The following STPG2 variants were observed in gnomAD, a reference collection of about 807,000 sequenced individuals.
STPG2 encodes sperm-tail PG-rich repeat-containing protein 2.
A neutral mutation model predicts 54.2 loss-of-function variants in STPG2; 56 were observed. That is an observed-to-expected ratio of 1.03 (90% CI 0.83 to 1.29). The LOEUF (loss-of-function observed/expected upper bound fraction) is 1.29. STPG2 is among the 50% of genes most tolerant of loss of function. The pLI, the probability that STPG2 is intolerant of heterozygous loss-of-function variation, is 0.00. For synonymous variants in STPG2, 200 were observed against 181.8 expected (o/e 1.10, Z -0.81); for missense variants, 596 against 544.9 (o/e 1.09, Z -0.93).
At chr4:97,757,079 A>T (rs1725753020) in intron 9 of STPG2, among the ~76,000 whole-genome samples, 1 of 152,104 alleles carries the variant, frequency 6.6e-6, no homozygotes, top group South Asian at 2.1e-4. Flanking sequence ...AGCAGTAAAA[A>T]CACCAGATGA....
At chr4:97,533,691 T>C (rs947371811) in intron 4 of STPG2, among the ~76,000 whole-genome samples, 1 of 152,130 alleles carries the variant, frequency 6.6e-6, no homozygotes, top group Non-Finnish European at 1.5e-5. Flanking sequence ...TTTGAGATTT[T>C]TCCATATTAT....
At chr4:97,711,697 T>C (rs895283649) in intron 10 of STPG2, among the ~76,000 whole-genome samples, 2 of 145,338 alleles carry the variant, frequency 1.4e-5, no homozygotes, top group South Asian at 2.2e-4. Context: ...TGAGAAGGAG[T>C]CTCGCTCTGT....
At chr4:98,114,929 T>C (rs1739472996) in intron 3 of STPG2, among the ~76,000 whole-genome samples, 2 of 143,686 alleles carry the variant, frequency 1.4e-5, no homozygotes, top group South Asian at 2.3e-4. Context: ...AAAGGATAAA[T>C]TGATGCACTC....
At chr4:98,088,672 GAA>G (rs61146705) in intron 5 of STPG2, among the ~76,000 whole-genome samples, 8,613 of 125,346 alleles carry the variant, frequency 0.069, 337 homozygotes, top group Admixed American at 0.14. Context: ...TCCTTTAGGG[GAA>G]AAAAAAAAAA....
At chr4:97,448,843 C>G (rs981506233) in intron 4 of STPG2, among the ~76,000 whole-genome samples, 1 of 152,044 alleles carries the variant, frequency 6.6e-6, no homozygotes, top group Non-Finnish European at 1.5e-5. Flanking sequence ...GGCAGAGTTA[C>G]ATTAAATGTT....
At chr4:97,688,437 G>C (rs1723264999) in intron 10 of STPG2, among the ~76,000 whole-genome samples, 1 of 152,100 alleles carries the variant, frequency 6.6e-6, no homozygotes, top group Non-Finnish European at 1.5e-5. Context: ...CGCAATCTCG[G>C]CTCACTGGAC....
At chr4:97,840,489 A>G (rs1193300647) in intron 9 of STPG2, among the ~76,000 whole-genome samples, 1 of 151,630 alleles carries the variant, frequency 6.6e-6, no homozygotes, top group Non-Finnish European at 1.5e-5. Context: ...GTCAGGGTAA[A>G]TGCAAATGTT....
At chr4:98,044,404 T>G (rs922051659) in intron 5 of STPG2, among the ~76,000 whole-genome samples, 1 of 152,210 alleles carries the variant, frequency 6.6e-6, no homozygotes, top group Non-Finnish European at 1.5e-5. Flanking sequence ...CACTGGGTTC[T>G]TTGCCCTCCC....
At chr4:97,609,177 AT>A (rs1327746891) in intron 10 of STPG2, among the ~76,000 whole-genome samples, 1 of 152,064 alleles carries the variant, frequency 6.6e-6, no homozygotes, top group Non-Finnish European at 1.5e-5. Flanking sequence ...GCAAGGGAAT[AT>A]TGTTGCTGAT....
At chr4:98,040,560 T>G (rs1084784) in intron 5 of STPG2, among the ~76,000 whole-genome samples, 66,413 of 151,624 alleles carry the variant, frequency 0.44, 15,101 homozygotes, top group Admixed American at 0.56. Flanking sequence ...CCCGGCACCA[T>G]TTATTGACTA....
intron 4 of STPG2, among the ~76,000 whole-genome samples, chr4:97,549,898 A>T (rs1281578087): frequency 6.6e-6 from 1 of 152,194 alleles, no homozygotes; most frequent in Non-Finnish European, 1.5e-5. Flanking sequence ...GAAGCTATCA[A>T]GTTTCAGGTA....
intron 4 of STPG2, among the ~76,000 whole-genome samples, chr4:97,446,618 T>C (rs1014278107): frequency 1.3e-5 from 2 of 152,304 alleles, no homozygotes; most frequent in South Asian, 2.1e-4. Context: ...GATTGGATGA[T>C]GGGTACGGTT....
chr4:97,481,586 AT>A (rs973858630), intron 4 of STPG2, among the ~76,000 whole-genome samples: 2 of 151,460 alleles, frequency 1.3e-5, no homozygotes, highest in Non-Finnish European at 3.0e-5. Context: ...TGTATCCCTA[AT>A]TTTTTTATAC....
intron 7 of STPG2, among the ~76,000 whole-genome samples, chr4:97,946,642 A>G (rs967203820): frequency 2.6e-5 from 4 of 152,180 alleles, no homozygotes; most frequent in African/African-American, 9.6e-5. Flanking sequence ...CCATTTATTG[A>G]ATAGGGTGTC....
intron 9 of STPG2, among the ~76,000 whole-genome samples, chr4:97,722,110 A>C (rs573662329): frequency 1.2e-4 from 18 of 151,686 alleles, no homozygotes; most frequent in South Asian, 4.1e-4. Context: ...AAAAAAAAAG[A>C]AGCATATTTG....
intron 10 of STPG2, among the ~76,000 whole-genome samples, chr4:97,580,507 T>C (rs1465791959): frequency 6.6e-6 from 1 of 151,842 alleles, no homozygotes; most frequent in African/African-American, 2.4e-5. Flanking sequence ...GAAGCCATGG[T>C]AAACATTTCA....
intron 10 of STPG2, among the ~76,000 whole-genome samples, chr4:97,681,999 C>T (rs1026877789): frequency 3.3e-5 from 5 of 151,706 alleles, no homozygotes; most frequent in African/African-American, 1.2e-4. Context: ...TAATAATAAG[C>T]AATATTATTG....
intron 10 of STPG2, among the ~76,000 whole-genome samples, chr4:97,635,093 A>G (rs530846299): frequency 0.015 from 2,254 of 152,080 alleles, 49 homozygotes; most frequent in African/African-American, 0.05. Flanking sequence ...CCAGAGAGAA[A>G]GGTCGGGTTA....
At chr4:98,017,876 T>TTC (rs137889199) in intron 5 of STPG2, among the ~76,000 whole-genome samples, 3 of 151,522 alleles carry the variant, frequency 2.0e-5, no homozygotes, top group East Asian at 1.9e-4. Flanking sequence ...CATTCATTCA[T>TTC]TCTCTCTCTC....
Sources: allele counts gnomAD v4.1 joint callset (sites outside exome capture counted in the v4.1 genomes callset), GRCh38; gene constraint gnomAD v4.1.1; transcripts MANE v1.5; gene names NCBI Gene and HGNC (gene_info 2026-07-23, HGNC 2026-07-21).